The following CAMK2D variants were observed in gnomAD, a reference collection of about 807,000 sequenced individuals.
CAMK2D encodes calcium/calmodulin-dependent protein kinase type II subunit delta.
CAMK2D carries 37 observed loss-of-function variants against 84.0 expected under a neutral mutation model. The observed-to-expected ratio is 0.44, with a 90% CI of 0.34 to 0.58. CAMK2D has a LOEUF of 0.58. CAMK2D is among the 20% of genes least tolerant of loss of function. The pLI, the probability that CAMK2D is intolerant of heterozygous loss-of-function variation, is 0.02. For missense variants in CAMK2D, 448 were observed against 652.5 expected, an observed-to-expected ratio of 0.69 and a Z score of 3.41; for synonymous variants, 202 against 212.5, an observed-to-expected ratio of 0.95 and a Z score of 0.43.
chr4:113,701,592 T>C (rs2099417628), intron 2 of CAMK2D, among the ~76,000 whole-genome samples: 1 of 152,176 alleles, frequency 6.6e-6, no homozygotes, highest in Non-Finnish European at 1.5e-5. Flanking sequence ...TGATGGGACC[T>C]TCATACCTCC....
chr4:113,642,043 A>T (rs75857943), intron 3 of CAMK2D, among the ~76,000 whole-genome samples: 6,440 of 152,128 alleles, frequency 0.042, 215 homozygotes, highest in South Asian at 0.13. Context: ...AATAATAAAC[A>T]ATAAATAAAT....
At chr4:113,610,628 T>C (rs375627512) in intron 3 of CAMK2D, among the ~76,000 whole-genome samples, 1 of 152,138 alleles carries the variant, frequency 6.6e-6, no homozygotes, top group Non-Finnish European at 1.5e-5. Context: ...TTGTAAAATA[T>C]GAATTTTCTA....
chr4:113,754,922 ATGT>A, intron 2 of CAMK2D: 3 of 984,326 alleles, frequency 3.0e-6, no homozygotes, highest in South Asian at 4.7e-5. Flanking sequence ...TTTTCTTAAA[ATGT>A]TGTTCTTGCC....
chr4:113,682,003 T>A (rs1195238485), intron 2 of CAMK2D, among the ~76,000 whole-genome samples: 1 of 152,298 alleles, frequency 6.6e-6, no homozygotes, highest in East Asian at 1.9e-4. Flanking sequence ...AGAAAAAGCA[T>A]GGGATACAGG....
At chr4:113,506,407 T>C (rs1161921979) in intron 13 of CAMK2D, among the ~76,000 whole-genome samples, 2 of 152,194 alleles carry the variant, frequency 1.3e-5, no homozygotes, top group African/African-American at 4.8e-5. Context: ...ACTGGAAAAT[T>C]CTATAAATGT....
intron 3 of CAMK2D, among the ~76,000 whole-genome samples, chr4:113,654,733 T>A (rs1461566570): frequency 6.6e-6 from 1 of 152,002 alleles, no homozygotes; most frequent in African/African-American, 2.4e-5. Flanking sequence ...TTTGGACAAA[T>A]CATATACATT....
rs1488813400 is a variant in CAMK2D at position 113,452,081 on chromosome 4, G to C, written c.*2464C>G. On this transcript the variant is annotated 3_prime_UTR_variant, in exon 21 of 21. Coordinates refer to ENST00000511664, the MANE Select transcript of CAMK2D (RefSeq NM_001321571.2). ...GGGAGTAGCAGGAGCTGGGGTGCTT[G>C]CCTGTATCCCAGAAATGATAACATC... The C allele has an allele frequency of 2.7e-5, 4 of 150,224 alleles. No individual in the cohort carries two copies. Among genetic ancestry groups the C allele is most frequent in the Non-Finnish European group, 5.9e-5 (4 of 67,868 alleles). The allele number at this position is 150,224 out of a possible 1,614,324, so 9.3% of individuals were successfully genotyped here. A position where few individuals can be genotyped will look rare whatever the true frequency, so the allele number is the denominator to read the frequency against.
intron 13 of CAMK2D, among the ~76,000 whole-genome samples, chr4:113,509,012 A>G (rs1393774352): frequency 2.0e-5 from 3 of 152,132 alleles, no homozygotes; most frequent in Non-Finnish European, 1.5e-5. Context: ...ACAAAATACA[A>G]TCAGTAGGAA....
chr4:113,570,764 C>T (rs2098749340), intron 4 of CAMK2D, among the ~76,000 whole-genome samples: 2 of 151,976 alleles, frequency 1.3e-5, no homozygotes, highest in South Asian at 4.2e-4. Flanking sequence ...ATATGACACC[C>T]AAAAGATCAG....
At chr4:113,492,222 A>C (rs2097854532) in intron 16 of CAMK2D, among the ~76,000 whole-genome samples, 1 of 151,792 alleles carries the variant, frequency 6.6e-6, no homozygotes, top group African/African-American at 2.4e-5. Flanking sequence ...TAGTTCTTTT[A>C]ATTGTGATGT....
chr4:113,470,378 G>T (rs1164437078), intron 16 of CAMK2D, among the ~76,000 whole-genome samples: 1 of 152,148 alleles, frequency 6.6e-6, no homozygotes, highest in African/African-American at 2.4e-5. Context: ...AGGCGCGGTG[G>T]CTCATGCCTG....
intron 5 of CAMK2D, among the ~76,000 whole-genome samples, chr4:113,549,213 A>T (rs2098606192): frequency 6.6e-6 from 1 of 152,226 alleles, no homozygotes; most frequent in East Asian, 1.9e-4. Context: ...GTCAAAAAAA[A>T]TGGAGGGACA....
At chr4:113,587,353 G>A (rs975039084) in intron 4 of CAMK2D, among the ~76,000 whole-genome samples, 3 of 152,180 alleles carry the variant, frequency 2.0e-5, no homozygotes, top group Non-Finnish European at 2.9e-5. Flanking sequence ...TTCACATGCT[G>A]ATAAAGGCAA....
At chr4:113,577,647 C>T (rs1288937913) in intron 4 of CAMK2D, among the ~76,000 whole-genome samples, 1 of 151,944 alleles carries the variant, frequency 6.6e-6, no homozygotes, top group Non-Finnish European at 1.5e-5. Context: ...TGAGCTCACT[C>T]TTTATTGAAT....
Position 113,465,594 on chromosome 4 carries a change from T to C in CAMK2D, c.1146A>G (p.Gln382=). The C allele has an allele frequency of 6.2e-7, 1 of 1,603,894 alleles. No homozygotes were observed. Among genetic ancestry groups the C allele is most frequent in the Non-Finnish European group, 8.5e-7 (1 of 1,170,794 alleles). Reference sequence around the variant, plus strand: ...GTTGTTCAGTGACTTTGATAATCTCTTGCTTTCGTGCTAAAGGCAAAAATA... The same window carrying C: ...GTTGTTCAGTGACTTTGATAATCTCCTGCTTTCGTGCTAAAGGCAAAAATA... The part of the protein sequence containing the change: ...IEDEDVKARK[Q]EIIKVTEQLI... The change falls in exon 17 of 21, where the codon CAA becomes CAG. Residue 382 remains glutamine, a synonymous_variant. Transcript: ENST00000511664.
intron 2 of CAMK2D, among the ~76,000 whole-genome samples, chr4:113,757,714 A>G (rs73842803): frequency 0.07 from 10,681 of 152,214 alleles, 1,035 homozygotes; most frequent in African/African-American, 0.22. Flanking sequence ...GCAGAATATG[A>G]GCAAGTAAGG....
intron 2 of CAMK2D, among the ~76,000 whole-genome samples, chr4:113,692,621 C>T (rs1022660514): frequency 2.0e-5 from 3 of 151,792 alleles, no homozygotes; most frequent in African/African-American, 7.3e-5. Flanking sequence ...TATAGTCACA[C>T]ATTCATATAT....
Position 113,524,118 on chromosome 4 carries a change from C to T in CAMK2D, c.602-6461G>A, listed in dbSNP as rs2098397840. On this transcript the variant is annotated intron_variant, in intron 8 of 20. Coordinates refer to ENST00000511664, the MANE Select transcript of CAMK2D (RefSeq NM_001321571.2). Reference sequence around the variant, plus strand: ...AACTTCTGGGCTCAAGTGATTCTCCCACCTTGGCCTCCCACAGTGCTGGGA... The same window carrying T: ...AACTTCTGGGCTCAAGTGATTCTCCTACCTTGGCCTCCCACAGTGCTGGGA... 3.3e-5 allele frequency among the ~76,000 whole-genome samples: 5 copies of T among 152,290 alleles called. No individual in the cohort carries two copies. The South Asian group carries it at 1.0e-3, about 32-fold the overall frequency.
rs2097257150 is a variant in CAMK2D, at chr4:113,451,431, C to G, written c.*3114G>C. On this transcript the variant is annotated 3_prime_UTR_variant, in exon 21 of 21. Transcript: ENST00000511664. ...CATTTAATTTCTATCAAATATCATT[C>G]TAGTCACTCTGTACCCATTAATCCT... 6.6e-6 allele frequency: 1 copy of G among 152,172 alleles called. No individual in the cohort carries two copies. Among genetic ancestry groups the G allele is most frequent in the Admixed American group, 6.5e-5 (1 of 15,268 alleles). The allele number at this position is 152,172 out of a possible 1,614,324, so 9.4% of individuals were successfully genotyped here.
Sources: gnomAD v4.1 joint callset for allele counts (sites outside exome capture counted in the v4.1 genomes callset) on GRCh38, gnomAD v4.1.1 for gene constraint, MANE v1.5 for transcripts, NCBI Gene and HGNC (gene_info 2026-07-23, HGNC 2026-07-21) for gene names.